Variants in NAV2 observed in about 807,000 individuals in gnomAD.
NAV2 encodes the protein neuron navigator 2, also known as helicase, APC down-regulated 1.
In NAV2, 54 loss-of-function variants were observed where a neutral mutation model predicts 223.2. The ratio of observed to expected loss-of-function variants is 0.24; its 90% CI spans 0.19 to 0.30. The LOEUF is 0.30. Ranked by LOEUF, NAV2 falls within the 10% of genes least tolerant of loss-of-function variation. The pLI is 1.00. For synonymous variants in NAV2, 1,279 were observed against 1,239.3 expected (o/e 1.03, Z -0.67); for missense variants, 2,806 against 3,147.5 (o/e 0.89, Z 2.60).
intron 1 of NAV2, among the ~76,000 whole-genome samples, chr11:19,695,013 A>G (rs568435816): frequency 1.3e-5 from 2 of 152,252 alleles, no homozygotes; most frequent in East Asian, 3.9e-4. Flanking sequence ...ATCCAGTGCC[A>G]CTGCCTGAGA....
At chr11:19,695,415 T>TA (rs1487217512) in intron 1 of NAV2, among the ~76,000 whole-genome samples, 1 of 151,922 alleles carries the variant, frequency 6.6e-6, no homozygotes, top group Non-Finnish European at 1.5e-5. Flanking sequence ...CCCAGCCTTT[T>TA]TTTTTTCTAG....
intron 1 of NAV2, among the ~76,000 whole-genome samples, chr11:19,356,759 G>C (rs61141889): frequency 6.6e-6 from 1 of 152,304 alleles, no homozygotes; most frequent in African/African-American, 2.4e-5. Context: ...CACTGTGGCT[G>C]TATTAGGATT....
chr11:19,522,372 T>C (rs939384557), intron 1 of NAV2, among the ~76,000 whole-genome samples: 1 of 152,222 alleles, frequency 6.6e-6, no homozygotes, highest in Admixed American at 6.5e-5. Flanking sequence ...CATCTGCTTC[T>C]GTGTTTACAG....
chr11:19,650,391 C>A (rs1490952762), intron 1 of NAV2, among the ~76,000 whole-genome samples: 1 of 152,138 alleles, frequency 6.6e-6, no homozygotes, highest in Non-Finnish European at 1.5e-5. Context: ...AGAAACCTCC[C>A]TAAGAGGCTT....
chr11:19,786,956 T>C (rs1842394623), intron 1 of NAV2, among the ~76,000 whole-genome samples: 5 of 152,110 alleles, frequency 3.3e-5, no homozygotes, highest in Admixed American at 3.3e-4. Flanking sequence ...TAGTGTGCTG[T>C]ATTTGTGCCT....
intron 11 of NAV2, among the ~76,000 whole-genome samples, chr11:19,994,404 G>A (rs544976568): frequency 6.6e-6 from 1 of 152,148 alleles, no homozygotes; most frequent in East Asian, 1.9e-4. Flanking sequence ...AAAATTAGCT[G>A]GGCGTGGTGG....
intron 1 of NAV2, among the ~76,000 whole-genome samples, chr11:19,526,599 C>T (rs536778871): frequency 2.0e-4 from 30 of 152,214 alleles, no homozygotes; most frequent in Non-Finnish European, 3.5e-4. Flanking sequence ...TTCTTACTTG[C>T]CTGGTGTGCT....
chr11:19,888,630 C>G (rs2041231451), intron 5 of NAV2, among the ~76,000 whole-genome samples: 1 of 152,178 alleles, frequency 6.6e-6, no homozygotes, highest in Non-Finnish European at 1.5e-5. Flanking sequence ...GGACCAAGTC[C>G]AAGCTCCATA....
intron 1 of NAV2, among the ~76,000 whole-genome samples, chr11:19,603,631 C>CAAAAAAAAAA (rs1222524445): frequency 3.5e-5 from 2 of 57,738 alleles, no homozygotes; most frequent in African/African-American, 4.6e-5. Flanking sequence ...GACTCCATCT[C>CAAAAAAAAAA]AAAAAAAAAA....
intron 1 of NAV2, among the ~76,000 whole-genome samples, chr11:19,365,637 T>C (rs573820865): frequency 3.3e-5 from 5 of 152,224 alleles, no homozygotes; most frequent in Non-Finnish European, 7.3e-5. Context: ...CCAATTAGAC[T>C]CTAAGATGCT....
At chr11:19,642,102 GA>G in intron 1 of NAV2, among the ~76,000 whole-genome samples, 1 of 152,136 alleles carries the variant, frequency 6.6e-6, no homozygotes, top group East Asian at 1.9e-4. Context: ...GAAAGCCTTA[GA>G]TGAAGACTCC....
At chr11:19,720,001 A>G (rs189321778) in intron 1 of NAV2, among the ~76,000 whole-genome samples, 59 of 152,200 alleles carry the variant, frequency 3.9e-4, no homozygotes, top group Non-Finnish European at 2.2e-4. Context: ...GAACATTTTC[A>G]TTGACTGGGC....
intron 3 of NAV2, among the ~76,000 whole-genome samples, chr11:19,859,470 T>A (rs918027658): frequency 2.0e-5 from 3 of 148,028 alleles, no homozygotes; most frequent in Non-Finnish European, 4.5e-5. Context: ...AGGTCACAGA[T>A]CAACAGGATC....
chr11:19,943,124 A>G (rs1444387865), intron 8 of NAV2, among the ~76,000 whole-genome samples: 5 of 152,248 alleles, frequency 3.3e-5, no homozygotes, highest in East Asian at 1.9e-4. Context: ...TTGAAAACCT[A>G]TGCCTAGACT....
At chr11:19,963,487 C>T (rs369459627) in intron 10 of NAV2, among the ~76,000 whole-genome samples, 1 of 152,014 alleles carries the variant, frequency 6.6e-6, no homozygotes, top group African/African-American at 2.4e-5. Context: ...TTCTGAACAT[C>T]GGAAGCCCTG....
chr11:19,596,356 G>A (rs531425694), intron 1 of NAV2, among the ~76,000 whole-genome samples: 30 of 152,190 alleles, frequency 2.0e-4, no homozygotes, highest in Non-Finnish European at 3.8e-4. Flanking sequence ...CCTGGGGATG[G>A]GCACCATCTT....
intron 2 of NAV2, among the ~76,000 whole-genome samples, chr11:19,841,879 A>G (rs573833514): frequency 4.5e-4 from 69 of 152,200 alleles, no homozygotes; most frequent in Non-Finnish European, 7.3e-4. Context: ...GCACCGTGCT[A>G]AGCATTTTAC....
intron 3 of NAV2, among the ~76,000 whole-genome samples, chr11:19,865,987 C>T (rs1381730562): frequency 6.6e-6 from 1 of 152,184 alleles, no homozygotes. Context: ...TGGTTTCTCA[C>T]CCAGCTCTGC....
chr11:19,518,146 T>C (rs766530105), intron 1 of NAV2, among the ~76,000 whole-genome samples: 17 of 152,238 alleles, frequency 1.1e-4, no homozygotes, highest in Non-Finnish European at 2.1e-4. Flanking sequence ...TGTTCAACTT[T>C]CCTGGATAAC....
Sources: gnomAD v4.1 joint callset for allele counts (sites outside exome capture counted in the v4.1 genomes callset) on GRCh38, gnomAD v4.1.1 for gene constraint, MANE v1.5 for transcripts, NCBI Gene and HGNC (gene_info 2026-07-23, HGNC 2026-07-21) for gene names.